CAMK4: variants seen among roughly 807,000 people sequenced by gnomAD.
CAMK4 encodes calcium/calmodulin-dependent protein kinase type IV.
Under a neutral mutation model 44.9 loss-of-function variants are expected in CAMK4, and 22 were observed. That is an observed-to-expected ratio of 0.49 (90% CI 0.35 to 0.70). The LOEUF (loss-of-function observed/expected upper bound fraction) is 0.70, where lower values mean the gene tolerates loss of function less well. CAMK4 is among the 30% of genes least tolerant of loss of function. CAMK4 has a pLI of 0.01. For synonymous variants in CAMK4, 218 were observed against 215.4 expected (o/e 1.01, Z -0.11); for missense variants, 498 against 586.8 (o/e 0.85, Z 1.56).
At chr5:111,325,870 A>T (rs926946334) in intron 1 of CAMK4, among the ~76,000 whole-genome samples, 1 of 152,078 alleles carries the variant, frequency 6.6e-6, no homozygotes, top group Non-Finnish European at 1.5e-5. Flanking sequence ...AAGCCATGGG[A>T]TAAAGAAAAT....
chr5:111,248,328 T>G (rs1198246714), intron 1 of CAMK4, among the ~76,000 whole-genome samples: 1 of 141,530 alleles, frequency 7.1e-6, no homozygotes, highest in East Asian at 2.0e-4. Flanking sequence ...TGGCAGAAAT[T>G]AAATTGTAAT....
At chr5:111,437,060 A>G (rs1753671266) in intron 5 of CAMK4, among the ~76,000 whole-genome samples, 1 of 152,206 alleles carries the variant, frequency 6.6e-6, no homozygotes, top group African/African-American at 2.4e-5. Context: ...GGCCTTTCTC[A>G]AAGTGACAAG....
chr5:111,452,110 A>G (rs1200150497), intron 7 of CAMK4, among the ~76,000 whole-genome samples: 1 of 152,240 alleles, frequency 6.6e-6, no homozygotes, highest in African/African-American at 2.4e-5. Flanking sequence ...AGGATGAGTA[A>G]GAGTTCAACA....
chr5:111,327,946 C>A (rs1580597886), intron 1 of CAMK4, among the ~76,000 whole-genome samples: 1 of 106,824 alleles, frequency 9.4e-6, no homozygotes, highest in Admixed American at 9.7e-5. Flanking sequence ...GAAATTTTCT[C>A]CCATGTCGTA....
intron 5 of CAMK4, among the ~76,000 whole-genome samples, chr5:111,436,805 A>G (rs1440163846): frequency 6.6e-6 from 1 of 152,220 alleles, no homozygotes; most frequent in African/African-American, 2.4e-5. Context: ...AGTTTCAGAC[A>G]CAAAGGGTAC....
Position 111,489,349 on chromosome 5 carries a change from G to C in CAMK4, c.*4883G>C, listed in dbSNP as rs187225617. On this transcript the variant is annotated 3_prime_UTR_variant, in exon 11 of 11. Coordinates refer to ENST00000282356, the MANE Select transcript of CAMK4 (RefSeq NM_001744.6). ...TTCTATATTTTGACCAATATATTAA[G>C]AGCAAATTTTGTCATTATTACTCCT... 6.4e-4 allele frequency: 98 copies of C among 152,214 alleles called. No homozygotes were observed. The highest frequency in any genetic ancestry group is 2.2e-3 in the African/African-American group (92 of 41,532). The allele number at this position is 152,214 out of a possible 1,614,324, so 9.4% of individuals were successfully genotyped here.
intron 7 of CAMK4, among the ~76,000 whole-genome samples, chr5:111,462,593 A>T (rs773833884): frequency 2.6e-5 from 4 of 152,236 alleles, no homozygotes; most frequent in Non-Finnish European, 4.4e-5. Context: ...CTTCTGATGA[A>T]GAATGCCACT....
At chr5:111,263,440 T>C (rs1425882850) in intron 1 of CAMK4, among the ~76,000 whole-genome samples, 1 of 152,204 alleles carries the variant, frequency 6.6e-6, no homozygotes. Flanking sequence ...TATTTACTTC[T>C]CTACTTTTAT....
chr5:111,256,459 C>A (rs1749750601), intron 1 of CAMK4, among the ~76,000 whole-genome samples: 2 of 152,174 alleles, frequency 1.3e-5, no homozygotes, highest in Admixed American at 1.3e-4. Flanking sequence ...TTTAATATTA[C>A]TATGATTATG....
intron 5 of CAMK4, among the ~76,000 whole-genome samples, chr5:111,438,136 C>T (rs1355597322): frequency 1.3e-5 from 2 of 152,092 alleles, no homozygotes; most frequent in Non-Finnish European, 2.9e-5. Context: ...GGAGAGATTA[C>T]GTTTTCAGGT....
intron 5 of CAMK4, among the ~76,000 whole-genome samples, chr5:111,413,391 A>C (rs1021703998): frequency 6.6e-6 from 1 of 152,080 alleles, no homozygotes. Context: ...AGCCTGGCCA[A>C]TATGGTGAAA....
chr5:111,351,509 G>A (rs1013399518), intron 2 of CAMK4, among the ~76,000 whole-genome samples: 2 of 151,214 alleles, frequency 1.3e-5, no homozygotes, highest in Non-Finnish European at 2.9e-5. Context: ...AGGTTCAAGC[G>A]ATTCTCCTGC....
intron 1 of CAMK4, among the ~76,000 whole-genome samples, chr5:111,326,617 T>A (rs1177901178): frequency 2.0e-5 from 3 of 151,336 alleles, no homozygotes; most frequent in Admixed American, 6.6e-5. Flanking sequence ...TTTATTAACT[T>A]CGGTAACAGG....
At chr5:111,435,415 C>T (rs950784560) in intron 5 of CAMK4, among the ~76,000 whole-genome samples, 1 of 152,016 alleles carries the variant, frequency 6.6e-6, no homozygotes, top group Non-Finnish European at 1.5e-5. Context: ...TCATCTAAAG[C>T]ACAGCCATCT....
intron 1 of CAMK4, among the ~76,000 whole-genome samples, chr5:111,277,256 A>T (rs1434604690): frequency 6.6e-6 from 1 of 152,230 alleles, no homozygotes; most frequent in Admixed American, 6.5e-5. Flanking sequence ...GCTTTCAACC[A>T]CTTACACTGG....
intron 1 of CAMK4, among the ~76,000 whole-genome samples, chr5:111,234,196 GAA>G (rs1314125762): frequency 6.6e-6 from 1 of 152,116 alleles, no homozygotes; most frequent in African/African-American, 2.4e-5. Context: ...TCTACTTTAT[GAA>G]AAGTGAGTTT....
intron 5 of CAMK4, among the ~76,000 whole-genome samples, chr5:111,419,919 C>A (rs1016019584): frequency 2.0e-4 from 30 of 151,930 alleles, no homozygotes; most frequent in African/African-American, 6.8e-4. Context: ...ATTGACTTGG[C>A]GATGTGGGCT....
rs1205489387 is a variant in CAMK4 at position 111,493,686 on chromosome 5, C to T, written c.*9220C>T. On this transcript the variant is annotated 3_prime_UTR_variant, in exon 11 of 11. Transcript: ENST00000282356. The surrounding 1 kb of genome is among the most constrained non-coding windows in gnomAD (Gnocchi z 4.1). ...TCCTTTTTCATCTCTCCCTTTTGTC[C>T]CTTTACATACTGTTTTGTAAGTTCC... 1.3e-5 allele frequency: 2 copies of T among 152,162 alleles called. No individual in the cohort carries two copies. The highest frequency in any genetic ancestry group is 6.6e-5 in the Admixed American group (1 of 15,262). The allele number at this position is 152,162 out of a possible 1,614,324, so 9.4% of individuals were successfully genotyped here.
chr5:111,423,760 A>G (rs1194360648), intron 5 of CAMK4, among the ~76,000 whole-genome samples: 3 of 152,150 alleles, frequency 2.0e-5, no homozygotes, highest in South Asian at 2.1e-4. Context: ...CTTTTGCTCT[A>G]TTCTTCTTGG....
Sources: gnomAD v4.1 joint callset for allele counts (sites outside exome capture counted in the v4.1 genomes callset) on GRCh38, gnomAD v4.1.1 for gene constraint, Gnocchi (gnomAD v3.1) non-coding constraint, MANE v1.5 for transcripts, NCBI Gene and HGNC (gene_info 2026-07-23, HGNC 2026-07-21) for gene names.